Variants in PAX5 observed in about 807,000 individuals in gnomAD.
The protein encoded by PAX5 is paired box protein Pax-5.
In PAX5, 9 loss-of-function variants were observed where a neutral mutation model predicts 43.7. That is an observed-to-expected ratio of 0.21 (90% CI 0.12 to 0.36). The LOEUF (loss-of-function observed/expected upper bound fraction) is 0.36, where lower values mean the gene tolerates loss of function less well. PAX5 is among the 10% of genes least tolerant of loss of function. PAX5 has a pLI of 1.00. For synonymous variants in PAX5, 228 were observed against 214.3 expected, an observed-to-expected ratio of 1.06 and a Z score of -0.56; for missense variants, 383 against 532.7, an observed-to-expected ratio of 0.72 and a Z score of 2.77.
rs748180723 is a variant in PAX5 at position 36,882,134 on chromosome 9, G to T, written c.911-29C>A. 6 of 1,539,460 alleles carry T rather than the reference G, an allele frequency of 3.9e-6. No individual in the cohort carries two copies. The East Asian group carries it at 1.4e-4, about 35-fold the overall frequency. On this transcript the variant is annotated intron_variant, in intron 7 of 9. Transcript: ENST00000358127. The surrounding 1 kb of genome is among the most constrained non-coding windows in gnomAD (Gnocchi z 4.4). ...AGGAATCAAAGCAACAAATCACAGGGTGAGCATCTTCGCGGCCAGCCGCTC... is the reference window on the plus strand; with the variant it reads ...AGGAATCAAAGCAACAAATCACAGGTTGAGCATCTTCGCGGCCAGCCGCTC...
chr9:36,929,235 G>GAGGAAGGAAGGA (rs56223123), intron 6 of PAX5, among the ~76,000 whole-genome samples: 5 of 134,466 alleles, frequency 3.7e-5, no homozygotes, highest in African/African-American at 1.4e-4. Flanking sequence ...AGGAAGGAAG[G>GAGGAAGGAAGGA]AGGAAGGAAG....
Position 36,833,695 on chromosome 9 carries a change from G to GAA in PAX5, c.*6863_*6864dup, listed in dbSNP as rs35920033. 2 of 230,952 alleles carry GAA rather than the reference G, an allele frequency of 8.7e-6. No homozygotes were observed. Among genetic ancestry groups the GAA allele is most frequent in the Non-Finnish European group, 1.7e-5 (2 of 117,502 alleles). 14.3% of individuals were successfully genotyped at this position (230,952 alleles called of 1,614,324 possible). On this transcript the variant is annotated 3_prime_UTR_variant, in exon 10 of 10. Coordinates refer to ENST00000358127, the MANE Select transcript of PAX5 (RefSeq NM_016734.3). ...ACACAAAAGCAACACACGTCACTAA[G>GAA]AAAAAAACCACCAATATTTCAAGTC...
At chr9:36,948,203 A>G (rs1233446323) in intron 6 of PAX5, among the ~76,000 whole-genome samples, 1 of 152,210 alleles carries the variant, frequency 6.6e-6, no homozygotes, top group Non-Finnish European at 1.5e-5. Flanking sequence ...TTCCAGGACC[A>G]GGGACTCCAG....
At chr9:36,898,277 C>T (rs751824457) in intron 7 of PAX5, among the ~76,000 whole-genome samples, 35 of 152,232 alleles carry the variant, frequency 2.3e-4, no homozygotes, top group Non-Finnish European at 4.9e-4. Flanking sequence ...CAGCCAACTG[C>T]ATATTATTTA....
chr9:36,887,257 C>T (rs940559341), intron 7 of PAX5, among the ~76,000 whole-genome samples: 1 of 152,104 alleles, frequency 6.6e-6, no homozygotes, highest in Non-Finnish European at 1.5e-5. Flanking sequence ...GAAGAAAAAA[C>T]CAATGGAATA....
intron 6 of PAX5, among the ~76,000 whole-genome samples, chr9:36,928,423 A>G (rs1830835309): frequency 1.3e-5 from 2 of 152,158 alleles, no homozygotes; most frequent in Admixed American, 1.3e-4. Flanking sequence ...TCCCTTGTCT[A>G]TGCTTCCATA....
At chr9:36,991,015 G>A (rs781608535) in intron 5 of PAX5, among the ~76,000 whole-genome samples, 6 of 151,996 alleles carry the variant, frequency 3.9e-5, no homozygotes, top group Non-Finnish European at 5.9e-5. Flanking sequence ...AGGCTGAGCT[G>A]GGAGGATGGC....
intron 8 of PAX5, among the ~76,000 whole-genome samples, chr9:36,848,602 G>A (rs28430445): frequency 0.031 from 4,767 of 152,256 alleles, 264 homozygotes; most frequent in African/African-American, 0.11. Flanking sequence ...ACACAGCGCA[G>A]CCTGGAGAAC....
chr9:36,863,333 AGCT>A (rs951144116), intron 8 of PAX5, among the ~76,000 whole-genome samples: 1 of 152,184 alleles, frequency 6.6e-6, no homozygotes, highest in Non-Finnish European at 1.5e-5. Context: ...GCACCAGCAT[AGCT>A]CACTGCAGCC....
chr9:36,986,479 C>T (rs995372281), intron 5 of PAX5, among the ~76,000 whole-genome samples: 9 of 152,132 alleles, frequency 5.9e-5, no homozygotes, highest in African/African-American at 2.2e-4. Flanking sequence ...TTGGCGGAGG[C>T]CGGCGCGAGC....
chr9:36,993,871 C>A (rs883966), intron 5 of PAX5, among the ~76,000 whole-genome samples: 21,703 of 152,062 alleles, frequency 0.14, 1,816 homozygotes, highest in East Asian at 0.35. Flanking sequence ...CAGCACCCTG[C>A]CCTCTCCCAT....
intron 5 of PAX5, among the ~76,000 whole-genome samples, chr9:36,973,833 C>T (rs1835194594): frequency 6.6e-6 from 1 of 152,194 alleles, no homozygotes; most frequent in African/African-American, 2.4e-5. Flanking sequence ...TGGTAAAACC[C>T]CGTCTCTACT....
intron 7 of PAX5, among the ~76,000 whole-genome samples, chr9:36,919,430 T>C (rs570730230): frequency 1.5e-4 from 23 of 152,348 alleles, no homozygotes; most frequent in African/African-American, 5.3e-4. Context: ...CGTTGTCTTA[T>C]TTAAGAAATA....
intron 5 of PAX5, among the ~76,000 whole-genome samples, chr9:36,994,943 C>A (rs75771037): frequency 0.011 from 1,633 of 152,252 alleles, 33 homozygotes; most frequent in African/African-American, 0.038. Context: ...ACGACCACAC[C>A]CCAGCAGAAC....
At chr9:36,920,467 T>A (rs140102988) in intron 7 of PAX5, among the ~76,000 whole-genome samples, 1 of 152,318 alleles carries the variant, frequency 6.6e-6, no homozygotes, top group East Asian at 1.9e-4. Context: ...AGCAAAAAGA[T>A]GACTCACTGA....
intron 8 of PAX5, among the ~76,000 whole-genome samples, chr9:36,848,350 C>CACACACACA (rs139370055): frequency 7.3e-6 from 1 of 136,366 alleles, no homozygotes; most frequent in East Asian, 2.2e-4. Context: ...CAGAGCGTGT[C>CACACACACA]CACACACACA....
chr9:36,836,179 C>T lies in PAX5; in HGVS notation c.*4381G>A. 4.3e-6 allele frequency: 1 copy of T among 233,574 alleles called. No individual in the cohort carries two copies. The highest frequency in any genetic ancestry group is 8.5e-6 in the Non-Finnish European group (1 of 118,258). 14.5% of individuals were successfully genotyped at this position (233,574 alleles called of 1,614,324 possible). A position where few individuals can be genotyped will look rare whatever the true frequency, so the allele number is the denominator to read the frequency against. Reference sequence around the variant, plus strand: ...CCTGCACATGTGAAAGGTGCCCAAGCAGCACTGACCTCCCCTGAAAACCCA... The same window carrying T: ...CCTGCACATGTGAAAGGTGCCCAAGTAGCACTGACCTCCCCTGAAAACCCA... On this transcript the variant is annotated 3_prime_UTR_variant, in exon 10 of 10. Transcript: ENST00000358127.
intron 1 of PAX5, among the ~76,000 whole-genome samples, chr9:37,029,629 A>AT (rs925360779): frequency 1.3e-5 from 2 of 152,208 alleles, no homozygotes; most frequent in African/African-American, 2.4e-5. Flanking sequence ...TGGGTCGGAA[A>AT]TAACCAGAAT....
intron 6 of PAX5, among the ~76,000 whole-genome samples, chr9:36,963,403 T>C (rs1242344742): frequency 6.6e-6 from 1 of 152,046 alleles, no homozygotes; most frequent in African/African-American, 2.4e-5. Flanking sequence ...GCCCCCTCAG[T>C]GCCATTGTCC....
Sources: allele counts gnomAD v4.1 joint callset (sites outside exome capture counted in the v4.1 genomes callset), GRCh38; gene constraint gnomAD v4.1.1; non-coding constraint Gnocchi (gnomAD v3.1); transcripts MANE v1.5; gene names NCBI Gene and HGNC (gene_info 2026-07-23, HGNC 2026-07-21).